The following VSTM2L variants were observed in gnomAD, a reference collection of about 807,000 sequenced individuals.
The protein encoded by VSTM2L is V-set and transmembrane domain-containing protein 2-like protein.
Under a neutral mutation model 19.9 loss-of-function variants are expected in VSTM2L, and 9 were observed. The observed-to-expected ratio is 0.45, with a 90% CI of 0.27 to 0.79. The LOEUF (loss-of-function observed/expected upper bound fraction) is 0.79. VSTM2L is among the 30% of genes least tolerant of loss of function. The pLI is 0.15. For missense variants in VSTM2L, 286 were observed against 295.5 expected, an observed-to-expected ratio of 0.97 and a Z score of 0.24; for synonymous variants, 127 against 133.8, an observed-to-expected ratio of 0.95 and a Z score of 0.35.
intron 3 of VSTM2L, among the ~76,000 whole-genome samples, chr20:37,936,378 C>T (rs2072940561): frequency 6.6e-6 from 1 of 152,208 alleles, no homozygotes; most frequent in Non-Finnish European, 1.5e-5. Context: ...GGAATGTCTC[C>T]TGAGTCTTAA....
At chr20:37,924,554 CAA>C (rs368447073) in intron 1 of VSTM2L, among the ~76,000 whole-genome samples, 24,582 of 89,796 alleles carry the variant, frequency 0.27, 1,820 homozygotes, top group Middle Eastern at 0.42. Flanking sequence ...GACTCTGTCT[CAA>C]AAAAAAAAAA....
chr20:37,914,400 G>GTA (rs372043492), intron 1 of VSTM2L, among the ~76,000 whole-genome samples: 2 of 1,518 alleles, frequency 1.3e-3, no homozygotes, highest in African/African-American at 2.0e-3. Flanking sequence ...GTGTGTGTAT[G>GTA]TATGTGTGGG....
intron 1 of VSTM2L, among the ~76,000 whole-genome samples, chr20:37,910,074 G>A (rs1215649186): frequency 4.6e-5 from 7 of 152,176 alleles, no homozygotes; most frequent in Non-Finnish European, 1.0e-4. Flanking sequence ...CCCAGGGCCC[G>A]CAACAAGATT....
chr20:37,931,543 A>T, intron 1 of VSTM2L, 92 bp from the exon 2 acceptor site: 1 of 1,032,330 alleles, frequency 9.7e-7, no homozygotes. Flanking sequence ...CCCGCCGTGC[A>T]GGGCCAGCTG....
Position 37,945,244 on chromosome 20 carries a change from TG to T in VSTM2L, c.*996del, listed in dbSNP as rs1458204170. ...TGGCTGCCGCAGCTCAGTGATGACGTGGGGGAGGTGGGAGAGGCCGAGGGCT... is the reference window on the plus strand; with the variant it reads ...TGGCTGCCGCAGCTCAGTGATGACGTGGGGAGGTGGGAGAGGCCGAGGGCT... On this transcript the variant is annotated 3_prime_UTR_variant, in exon 4 of 4. Coordinates refer to ENST00000373461, the MANE Select transcript of VSTM2L (RefSeq NM_080607.3). 2 of 985,238 alleles carry T rather than the reference TG, an allele frequency of 2.0e-6. No homozygotes were observed. Among genetic ancestry groups the T allele is most frequent in the African/African-American group, 1.7e-5 (1 of 57,194 alleles). The allele number at this position is 985,238 out of a possible 1,614,324, so 61.0% of individuals were successfully genotyped here. A position where few individuals can be genotyped will look rare whatever the true frequency, so the allele number is the denominator to read the frequency against.
At chr20:37,929,274 G>A (rs117339147) in intron 1 of VSTM2L, among the ~76,000 whole-genome samples, 1,999 of 152,268 alleles carry the variant, frequency 0.013, 22 homozygotes, top group South Asian at 0.027. Flanking sequence ...TCTCAACTGG[G>A]ATGCCTGGGG....
chr20:37,939,310 G>A (rs1292925795), intron 3 of VSTM2L, among the ~76,000 whole-genome samples: 1 of 151,880 alleles, frequency 6.6e-6, no homozygotes, highest in African/African-American at 2.4e-5. Context: ...GGAGGTCGGA[G>A]GGGGTGCTGA....
chr20:37,944,200 C>G lies in VSTM2L; in HGVS notation c.562C>G (p.Pro188Ala). 2.6e-6 allele frequency: 4 copies of G among 1,536,062 alleles called. No individual in the cohort carries two copies. Among genetic ancestry groups the G allele is most frequent in the Non-Finnish European group, 3.5e-6 (4 of 1,139,288 alleles). Residue 188 changes from proline to alanine, a missense_variant, in exon 4 of 4, where the codon CCA becomes GCA. Transcript: ENST00000373461. ...CGCGCCCGCCCCGCCGCCCCCCAAG[C>G]CAGGCAAGGAGCTGAGGAAGCGCTC... The part of the protein sequence containing the change: ...PAAPAPPPPK[P>A]GKELRKRSVD...
chr20:37,933,476 C>A, intron 2 of VSTM2L, 63 bp from the exon 3 acceptor site: 1 of 1,238,408 alleles, frequency 8.1e-7, no homozygotes, highest in African/African-American at 1.5e-5. Flanking sequence ...ACACTGCCAC[C>A]CCACCCCCAC....
At chr20:37,924,558 AAAAAAAAAAAAAC>A (rs1407669117) in intron 1 of VSTM2L, among the ~76,000 whole-genome samples, 5 of 151,322 alleles carry the variant, frequency 3.3e-5, no homozygotes, top group African/African-American at 1.2e-4. Flanking sequence ...CTGTCTCAAA[AAAAAAAAAAAAAC>A]AAAACAAAAT....
intron 1 of VSTM2L, among the ~76,000 whole-genome samples, chr20:37,929,639 G>A (rs1330018877): frequency 6.6e-6 from 1 of 152,164 alleles, no homozygotes; most frequent in Non-Finnish European, 1.5e-5. Context: ...TGGGGAGGAA[G>A]AGTGGAAGCG....
At position 37,935,067 on chromosome 20, in the gene VSTM2L, C is replaced by T. The variant is rs1240138843; in HGVS notation, c.342+1478C>T. On this transcript the variant is annotated intron_variant, in intron 3 of 3. Coordinates refer to ENST00000373461, the MANE Select transcript of VSTM2L (RefSeq NM_080607.3). ...CACAACCCTTTCTCCTATAATTTTG[C>T]CTGGGGTTTAAGGAGCGGCTCTGGC... 2.6e-5 allele frequency among the ~76,000 whole-genome samples: 4 copies of T among 152,150 alleles called. No homozygotes were observed. The East Asian group carries it at 7.7e-4, about 29-fold the overall frequency.
intron 1 of VSTM2L, among the ~76,000 whole-genome samples, chr20:37,921,199 T>C (rs112735163): frequency 0.014 from 2,068 of 151,110 alleles, 41 homozygotes; most frequent in African/African-American, 0.045. Flanking sequence ...GGAGGGAGAG[T>C]ACCTTTAGGC....
rs1022646503 is a variant in VSTM2L, at chr20:37,939,106, T to G, written c.343-4875T>G. On this transcript the variant is annotated intron_variant, in intron 3 of 3. Transcript: ENST00000373461. ...TCATAGGGTTATTGTGAGGTTTAAA[T>G]AAGAGTGATGAAGCTTGGCTGGGCG... is the stretch of plus-strand genomic sequence containing the variant. Among the ~76,000 whole-genome samples, 20 of 152,132 alleles carry G rather than the reference T, an allele frequency of 1.3e-4. 1 individual carries two copies. The highest frequency in any genetic ancestry group is 4.8e-4 in the African/African-American group (20 of 41,428).
chr20:37,943,054 T>G (rs75596652), intron 3 of VSTM2L, among the ~76,000 whole-genome samples: 5,236 of 151,720 alleles, frequency 0.035, 300 homozygotes, highest in African/African-American at 0.12. Flanking sequence ...AACCTCCGCC[T>G]CCTGGGTTGT....
chr20:37,907,953 G>T (rs1185668006), intron 1 of VSTM2L, among the ~76,000 whole-genome samples: 1 of 152,148 alleles, frequency 6.6e-6, no homozygotes, highest in Non-Finnish European at 1.5e-5. Context: ...TAGTTTGGTG[G>T]CTGGAAGATG....
chr20:37,922,662 G>A (rs946429165), intron 1 of VSTM2L, among the ~76,000 whole-genome samples: 3 of 152,210 alleles, frequency 2.0e-5, no homozygotes, highest in African/African-American at 7.2e-5. Flanking sequence ...TCCCACCAGA[G>A]ATTTGAAGGT....
At position 37,903,457 on chromosome 20, in the gene VSTM2L, A is replaced by C; in HGVS notation, c.107A>C (p.His36Pro). The change falls in exon 1 of 4, where the codon CAC becomes CCC. Residue 36 changes from histidine to proline, a missense_variant. His to Pro is a moderately conservative substitution (Grantham distance 77). Coordinates refer to ENST00000373461, the MANE Select transcript of VSTM2L (RefSeq NM_080607.3). ...RPAGHAPWDN[H>P]VSGHALFTET... The stretch of plus-strand genomic sequence containing the variant: ...GCCGGCCACGCGCCCTGGGACAACC[A>C]CGTCTCCGGCCACGGTGAGTTCGGT... The C allele has an allele frequency of 1.4e-6, 2 of 1,481,386 alleles. No individual in the cohort carries two copies. Among genetic ancestry groups the C allele is most frequent in the Non-Finnish European group, 1.8e-6 (2 of 1,122,444 alleles). 91.8% of individuals were successfully genotyped at this position (1,481,386 alleles called of 1,614,324 possible).
In VSTM2L at chr20:37,945,120, C is replaced by T. The variant is rs998759572; in HGVS notation, c.*867C>T. ...TGGGAGCCAAGGGCCCCCTGGTACTCAGTTCCCTCACGATTCCCGATCACG... is the reference window on the plus strand; with the variant it reads ...TGGGAGCCAAGGGCCCCCTGGTACTTAGTTCCCTCACGATTCCCGATCACG... On this transcript the variant is annotated 3_prime_UTR_variant, in exon 4 of 4. Coordinates refer to ENST00000373461, the MANE Select transcript of VSTM2L (RefSeq NM_080607.3). The T allele has an allele frequency of 2.0e-6, 2 of 985,680 alleles. No homozygotes were observed. Among genetic ancestry groups the T allele is most frequent in the Non-Finnish European group, 2.4e-6 (2 of 829,962 alleles). 61.1% of individuals were successfully genotyped at this position (985,680 alleles called of 1,614,324 possible).
Sources: gnomAD v4.1 joint callset for allele counts (sites outside exome capture counted in the v4.1 genomes callset) on GRCh38, gnomAD v4.1.1 for gene constraint, MANE v1.5 for transcripts, NCBI Gene and HGNC (gene_info 2026-07-23, HGNC 2026-07-21) for gene names.